RBMS1: variants seen among roughly 807,000 people sequenced by gnomAD.
RBMS1 encodes the protein RNA-binding motif, single-stranded-interacting protein 1.
A neutral mutation model predicts 62.3 loss-of-function variants in RBMS1; 17 were observed. The observed-to-expected ratio is 0.27, with a 90% CI of 0.19 to 0.41. The LOEUF (loss-of-function observed/expected upper bound fraction) is 0.41, where lower values mean the gene tolerates loss of function less well. Among genes scored for constraint, RBMS1 ranks in the 10% least tolerant of loss-of-function variants. The pLI, the probability that RBMS1 is intolerant of heterozygous loss-of-function variation, is 1.00. For synonymous variants in RBMS1, 172 were observed against 170.0 expected (o/e 1.01, Z -0.09); for missense variants, 334 against 504.5 (o/e 0.66, Z 3.24).
At chr2:160,287,505 A>G (rs1044686021) in intron 6 of RBMS1, among the ~76,000 whole-genome samples, 2 of 152,116 alleles carry the variant, frequency 1.3e-5, no homozygotes, top group African/African-American at 4.8e-5. Flanking sequence ...GGGACCCTTC[A>G]CTTCTCCCAG....
At chr2:160,373,923 T>A (rs1693863028) in intron 1 of RBMS1, among the ~76,000 whole-genome samples, 1 of 151,840 alleles carries the variant, frequency 6.6e-6, no homozygotes, top group Admixed American at 6.6e-5. Context: ...GACAAAAAGG[T>A]TGAGGAAGGC....
chr2:160,449,520 C>T (rs907700743), intron 1 of RBMS1, among the ~76,000 whole-genome samples: 1 of 152,180 alleles, frequency 6.6e-6, no homozygotes. Context: ...TAATCTATAA[C>T]CTTACCCCCA....
intron 1 of RBMS1, among the ~76,000 whole-genome samples, chr2:160,397,996 C>T (rs985387500): frequency 2.9e-4 from 44 of 152,178 alleles, no homozygotes; most frequent in African/African-American, 9.2e-4. Flanking sequence ...ATTCTCTCCT[C>T]GGAGTGCTTT....
chr2:160,447,511 G>T (rs1467642493), intron 1 of RBMS1, among the ~76,000 whole-genome samples: 1 of 152,200 alleles, frequency 6.6e-6, no homozygotes, highest in Non-Finnish European at 1.5e-5. Context: ...TACAGTATTA[G>T]AAAAGGATAC....
chr2:160,464,379 A>G (rs1177247616), intron 1 of RBMS1, among the ~76,000 whole-genome samples: 2 of 152,252 alleles, frequency 1.3e-5, no homozygotes, highest in East Asian at 3.8e-4. Context: ...GGAAGGATAC[A>G]TAGATTGTGA....
chr2:160,396,415 CTA>C (rs1292295072), intron 1 of RBMS1, among the ~76,000 whole-genome samples: 3 of 152,134 alleles, frequency 2.0e-5, no homozygotes, highest in Admixed American at 2.0e-4. Context: ...CCCATATGTA[CTA>C]TCTCATTTAA....
At chr2:160,484,688 G>T in intron 1 of RBMS1, among the ~76,000 whole-genome samples, 1 of 151,250 alleles carries the variant, frequency 6.6e-6, no homozygotes, top group Non-Finnish European at 1.5e-5. Context: ...TGGCTAACAT[G>T]GTGAAACCCC....
intron 2 of RBMS1, among the ~76,000 whole-genome samples, chr2:160,348,406 A>G (rs1471840998): frequency 6.6e-6 from 1 of 152,176 alleles, no homozygotes; most frequent in Non-Finnish European, 1.5e-5. Context: ...TAGCATGTAT[A>G]CATATTACAG....
At chr2:160,283,006 AAT>A (rs1452009308) in intron 9 of RBMS1, 1 of 152,328 alleles carries the variant, frequency 6.6e-6, no homozygotes, top group African/African-American at 2.4e-5. Flanking sequence ...CCTCTGAAAT[AAT>A]ATGTTATTTC....
At chr2:160,289,100 C>A (rs562408458) in intron 6 of RBMS1, among the ~76,000 whole-genome samples, 22 of 151,910 alleles carry the variant, frequency 1.4e-4, no homozygotes, top group Non-Finnish European at 2.6e-4. Context: ...ATCTAGACTC[C>A]AGCCTGTCAA....
intron 6 of RBMS1, among the ~76,000 whole-genome samples, chr2:160,295,645 T>C (rs1688896701): frequency 6.6e-6 from 1 of 152,250 alleles, no homozygotes; most frequent in Non-Finnish European, 1.5e-5. Flanking sequence ...CTAGGGCTTT[T>C]ATTTCCCTTG....
intron 1 of RBMS1, among the ~76,000 whole-genome samples, chr2:160,439,314 C>T (rs1198784580): frequency 6.7e-6 from 1 of 149,772 alleles, no homozygotes; most frequent in Non-Finnish European, 1.5e-5. Flanking sequence ...GGCTGCCGGG[C>T]GGAAGGGCTC....
At chr2:160,488,777 G>C (rs1685702353) in intron 1 of RBMS1, among the ~76,000 whole-genome samples, 1 of 152,066 alleles carries the variant, frequency 6.6e-6, no homozygotes, top group Non-Finnish European at 1.5e-5. Context: ...TTCCACTTGA[G>C]AGTAACTTGA....
intron 2 of RBMS1, among the ~76,000 whole-genome samples, chr2:160,326,472 A>G (rs1690933774): frequency 6.6e-6 from 1 of 152,234 alleles, no homozygotes; most frequent in Non-Finnish European, 1.5e-5. Context: ...GCTCTGTAGG[A>G]CAATAAAGAA....
intron 1 of RBMS1, among the ~76,000 whole-genome samples, chr2:160,379,693 G>C (rs1433211917): frequency 6.6e-6 from 1 of 152,166 alleles, no homozygotes; most frequent in Non-Finnish European, 1.5e-5. Context: ...GGAGTAGGAA[G>C]TTATTGCTCA....
At chr2:160,296,645 CAT>C (rs751934645) in intron 6 of RBMS1, among the ~76,000 whole-genome samples, 2 of 152,186 alleles carry the variant, frequency 1.3e-5, no homozygotes, top group Non-Finnish European at 2.9e-5. Context: ...GGCTGTGTCT[CAT>C]GTGAAAAACT....
At chr2:160,441,448 G>C (rs1308862807) in intron 1 of RBMS1, among the ~76,000 whole-genome samples, 3 of 152,218 alleles carry the variant, frequency 2.0e-5, no homozygotes, top group Non-Finnish European at 4.4e-5. Context: ...AAGAGGCCGG[G>C]CACAGTGACT....
chr2:160,355,343 A>G (rs1419464519), intron 2 of RBMS1, among the ~76,000 whole-genome samples: 1 of 152,100 alleles, frequency 6.6e-6, no homozygotes, highest in Non-Finnish European at 1.5e-5. Context: ...TAATAGCCAC[A>G]CCAAAAGTAC....
In RBMS1 at chr2:160,273,869, A is replaced by T. The variant is rs755893594; in HGVS notation, c.*903T>A. 2.0e-5 allele frequency: 3 copies of T among 152,396 alleles called. No individual in the cohort carries two copies. The highest frequency in any genetic ancestry group is 4.4e-5 in the Non-Finnish European group (3 of 68,042). 9.4% of individuals were successfully genotyped at this position (152,396 alleles called of 1,614,324 possible). ...CTATCAGAGGAAACTGTTGGCGTAC[A>T]GCCTTACAAACAATTTACCCTAATA... On this transcript the variant is annotated 3_prime_UTR_variant, in exon 14 of 14. Transcript: ENST00000348849.
Sources: allele counts gnomAD v4.1 joint callset (sites outside exome capture counted in the v4.1 genomes callset), GRCh38; gene constraint gnomAD v4.1.1; transcripts MANE v1.5; gene names NCBI Gene and HGNC (gene_info 2026-07-23, HGNC 2026-07-21).